CDK6: variants seen among roughly 807,000 people sequenced by gnomAD.
CDK6 encodes the protein cyclin dependent kinase 6.
A neutral mutation model predicts 37.1 loss-of-function variants in CDK6; 6 were observed. The ratio of observed to expected loss-of-function variants is 0.16; its 90% CI spans 0.09 to 0.32. The LOEUF (loss-of-function observed/expected upper bound fraction) is 0.32, where lower values mean the gene tolerates loss of function less well. Among genes scored for constraint, CDK6 ranks in the 10% least tolerant of loss-of-function variants. CDK6 has a pLI of 1.00. For synonymous variants in CDK6, 160 were observed against 161.3 expected (o/e 0.99, Z 0.06); for missense variants, 224 against 418.9 (o/e 0.53, Z 4.06).
Position 92,631,352 on chromosome 7 carries a change from A to T in CDK6, c.648-8266T>A, listed in dbSNP as rs546410350. On this transcript the variant is annotated intron_variant, in intron 5 of 7. Coordinates refer to ENST00000424848, the MANE Select transcript of CDK6 (RefSeq NM_001145306.2). ...GAGGCTGTAGAAGACAGAATTTTTT[A>T]AAAAAATTAAGTTCTTTGTTATTTC... is the stretch of plus-strand genomic sequence containing the variant. Among the ~76,000 whole-genome samples, 324 of 152,230 alleles carry T rather than the reference A, an allele frequency of 2.1e-3. 1 individual carries two copies. The highest frequency in any genetic ancestry group is 0.015 in the South Asian group (73 of 4,822).
chr7:92,606,325 C>T lies in CDK6; in HGVS notation c.*8815G>A, dbSNP rs117657957. The stretch of plus-strand genomic sequence containing the variant: ...TGCCATGAGCACAGTCTGTGCCCAG[C>T]ATCAGGAACCATCTCTAGATGAATG... On this transcript the variant is annotated 3_prime_UTR_variant, in exon 8 of 8. Coordinates refer to ENST00000424848, the MANE Select transcript of CDK6 (RefSeq NM_001145306.2). 4.3e-6 allele frequency: 1 copy of T among 233,310 alleles called. No homozygotes were observed. The highest frequency in any genetic ancestry group is 8.5e-6 in the Non-Finnish European group (1 of 118,026). The allele number at this position is 233,310 out of a possible 1,614,324, so 14.5% of individuals were successfully genotyped here. A position where few individuals can be genotyped will look rare whatever the true frequency, so the allele number is the denominator to read the frequency against.
chr7:92,814,575 A>G (rs1800975962), intron 2 of CDK6, among the ~76,000 whole-genome samples: 1 of 149,984 alleles, frequency 6.7e-6, no homozygotes, highest in African/African-American at 2.5e-5. Flanking sequence ...AAAAAAAAAA[A>G]GACATTTTGA....
chr7:92,648,050 A>T (rs574532643), intron 5 of CDK6, among the ~76,000 whole-genome samples: 2 of 152,236 alleles, frequency 1.3e-5, no homozygotes, highest in Admixed American at 1.3e-4. Flanking sequence ...ATTATAAAAG[A>T]TTCATGTTGG....
At chr7:92,752,723 ATGT>A (rs1244712441) in intron 3 of CDK6, among the ~76,000 whole-genome samples, 1 of 152,168 alleles carries the variant, frequency 6.6e-6, no homozygotes, top group Non-Finnish European at 1.5e-5. Context: ...ATCATGATTG[ATGT>A]TATTATTCTG....
At position 92,782,864 on chromosome 7, in the gene CDK6, A is replaced by G. The variant is rs574237194; in HGVS notation, c.234-8033T>C. On this transcript the variant is annotated intron_variant, in intron 2 of 7. Transcript: ENST00000424848. Reference sequence around the variant, plus strand: ...ATGATTAAATGACTTAAAAATGTCAATATCTGGCCTCAAATACGTCTTACA... The same window carrying G: ...ATGATTAAATGACTTAAAAATGTCAGTATCTGGCCTCAAATACGTCTTACA... Among the ~76,000 whole-genome samples the G allele has an allele frequency of 1.2e-4, 19 of 152,352 alleles. No individual in the cohort carries two copies. In the East Asian group the frequency reaches 2.9e-3, roughly 23 times the overall value.
chr7:92,636,201 C>G (rs1280403574), intron 5 of CDK6, among the ~76,000 whole-genome samples: 1 of 151,954 alleles, frequency 6.6e-6, no homozygotes, highest in African/African-American at 2.4e-5. Context: ...ACCACAGGGG[C>G]ATGCCACCAC....
intron 3 of CDK6, among the ~76,000 whole-genome samples, chr7:92,730,801 G>A (rs931779064): frequency 6.6e-6 from 1 of 152,140 alleles, no homozygotes; most frequent in Non-Finnish European, 1.5e-5. Flanking sequence ...CACCTCAGTA[G>A]TTTCCACTTT....
chr7:92,782,318 CA>C (rs1406699909), intron 2 of CDK6, among the ~76,000 whole-genome samples: 2 of 152,166 alleles, frequency 1.3e-5, no homozygotes, highest in Non-Finnish European at 2.9e-5. Context: ...AAGTAAACCA[CA>C]GATGGTCTCT....
intron 5 of CDK6, among the ~76,000 whole-genome samples, chr7:92,661,561 ATGT>A (rs1479896417): frequency 2.0e-5 from 3 of 152,220 alleles, no homozygotes; most frequent in Non-Finnish European, 4.4e-5. Flanking sequence ...GAGAAAGGAA[ATGT>A]TATTAAGAAA....
rs35953301 is a variant in CDK6 at position 92,688,581 on chromosome 7, TCACACACACACACACA to T, written c.538-17062_538-17047del. Among the ~76,000 whole-genome samples, 149 of 127,576 alleles carry T rather than the reference TCACACACACACACACA, an allele frequency of 1.2e-3. 1 individual carries two copies. The highest frequency in any genetic ancestry group is 3.0e-3 in the African/African-American group (104 of 34,356). The allele number at this position is 127,576 out of a possible 152,430, so 83.7% of individuals were successfully genotyped here. On this transcript the variant is annotated intron_variant, in intron 4 of 7. Transcript: ENST00000424848. Reference sequence around the variant, plus strand: ...TTGAGGTGTATAGACTACATATACATCACACACACACACACACACACACACACACACACACACACAC... The same window carrying T: ...TTGAGGTGTATAGACTACATATACATCACACACACACACACACACACACAC...
At chr7:92,773,657 T>C (rs1348387964) in intron 3 of CDK6, among the ~76,000 whole-genome samples, 2 of 152,180 alleles carry the variant, frequency 1.3e-5, no homozygotes, top group Non-Finnish European at 2.9e-5. Flanking sequence ...AATGGGACTA[T>C]TGTTAAGCAC....
chr7:92,617,318 AG>A (rs1795703318), intron 7 of CDK6, among the ~76,000 whole-genome samples: 1 of 152,106 alleles, frequency 6.6e-6, no homozygotes, highest in African/African-American at 2.4e-5. Context: ...AACATGCCCC[AG>A]GGAGCTGCTG....
chr7:92,695,039 T>C (rs2116648896), intron 4 of CDK6, among the ~76,000 whole-genome samples: 1 of 152,226 alleles, frequency 6.6e-6, no homozygotes, highest in Non-Finnish European at 1.5e-5. Context: ...CTACACATGA[T>C]ATCTCTGGAA....
chr7:92,783,734 T>A (rs143980111), intron 2 of CDK6, among the ~76,000 whole-genome samples: 1 of 152,040 alleles, frequency 6.6e-6, no homozygotes, highest in Non-Finnish European at 1.5e-5. Flanking sequence ...ATTTTGAAAA[T>A]AGAGCAAACA....
In CDK6 at chr7:92,833,300, G is replaced by A. The variant is rs374890145; in HGVS notation, c.24C>T (p.Arg8=). Residue 8 remains arginine (R), a synonymous_variant, in exon 2 of 8, where the codon CGC becomes CGT. Transcript: ENST00000424848. This position sits in a 1 kb window ranked among gnomAD's most constrained non-coding sequence, Gnocchi z 6.1. MEKDGLC[R]ADQQYECVAE... is the part of the protein sequence containing the mutation. Reference sequence around the variant, plus strand: ...CCACGCATTCGTACTGCTGGTCAGCGCGGCACAGGCCGTCCTTCTCCATGC... The same window carrying A: ...CCACGCATTCGTACTGCTGGTCAGCACGGCACAGGCCGTCCTTCTCCATGC... 72 of 1,602,310 alleles carry A rather than the reference G, an allele frequency of 4.5e-5. No individual in the cohort carries two copies. Among genetic ancestry groups the A allele is most frequent in the Non-Finnish European group, 6.0e-5 (71 of 1,176,318 alleles).
chr7:92,681,815 C>T (rs1797342458), intron 4 of CDK6, among the ~76,000 whole-genome samples: 1 of 152,158 alleles, frequency 6.6e-6, no homozygotes, highest in African/African-American at 2.4e-5. Flanking sequence ...CCTTGTGGAG[C>T]ACTCCATGTG....
intron 2 of CDK6, among the ~76,000 whole-genome samples, chr7:92,814,166 G>T (rs966407207): frequency 6.6e-6 from 1 of 152,160 alleles, no homozygotes; most frequent in Non-Finnish European, 1.5e-5. Context: ...TATATCAGCT[G>T]TTGGTTTCAG....
intron 5 of CDK6, among the ~76,000 whole-genome samples, chr7:92,635,233 C>A (rs946664826): frequency 6.6e-6 from 1 of 152,288 alleles, no homozygotes; most frequent in African/African-American, 2.4e-5. Flanking sequence ...CCTGGCAAAC[C>A]GGCCTGTCAG....
At chr7:92,666,985 T>A (rs1216738620) in intron 5 of CDK6, among the ~76,000 whole-genome samples, 1 of 152,156 alleles carries the variant, frequency 6.6e-6, no homozygotes, top group Non-Finnish European at 1.5e-5. Context: ...GTTCCATGCA[T>A]GTTATTGCCC....
Sources: allele counts gnomAD v4.1 joint callset (sites outside exome capture counted in the v4.1 genomes callset), GRCh38; gene constraint gnomAD v4.1.1; non-coding constraint Gnocchi (gnomAD v3.1); transcripts MANE v1.5; gene names NCBI Gene and HGNC (gene_info 2026-07-23, HGNC 2026-07-21).